The following MPPED1 variants were observed in gnomAD, a reference collection of about 807,000 sequenced individuals.
The protein encoded by MPPED1 is metallophosphoesterase domain containing 1.
MPPED1 carries 16 observed loss-of-function variants against 36.2 expected under a neutral mutation model. The observed-to-expected ratio is 0.44, with a 90% CI of 0.30 to 0.67. MPPED1 has a LOEUF of 0.67. Among genes scored for constraint, MPPED1 ranks in the 30% least tolerant of loss-of-function variants. The probability of loss-of-function intolerance (pLI) is 0.10; values close to 1 mark genes in which losing one functional copy is unlikely to be tolerated. For synonymous variants in MPPED1, 199 were observed against 191.3 expected, an observed-to-expected ratio of 1.04 and a Z score of -0.33; for missense variants, 307 against 453.4, an observed-to-expected ratio of 0.68 and a Z score of 2.93.
intron 4 of MPPED1, among the ~76,000 whole-genome samples, chr22:43,481,508 CATA>C (rs1377919028): frequency 2.6e-5 from 4 of 152,172 alleles, no homozygotes; most frequent in Non-Finnish European, 5.9e-5. Flanking sequence ...TCTGGTTCCT[CATA>C]ATAAGTATTT....
rs762737409 is a variant in MPPED1, at chr22:43,435,234, G to C, written c.406+19G>C. The C allele has an allele frequency of 8.2e-6, 13 of 1,593,756 alleles. No homozygotes were observed. The South Asian group carries it at 1.3e-4, about 16-fold the overall frequency. On this transcript the variant is annotated intron_variant, in intron 3 of 6. Transcript: ENST00000443721. ...TGGCTGGGTAGGTCCCTCCTGCCCC[G>C]GGCGGGCGGCTGTGCTGAGCAGGAA... is the stretch of plus-strand genomic sequence containing the variant.
intron 4 of MPPED1, among the ~76,000 whole-genome samples, chr22:43,480,052 T>C (rs965323078): frequency 4.6e-5 from 7 of 152,140 alleles, no homozygotes; most frequent in African/African-American, 1.7e-4. Context: ...TTTGTAGAGA[T>C]GGGGTCTCAT....
intron 4 of MPPED1, among the ~76,000 whole-genome samples, chr22:43,490,819 C>G (rs541278271): frequency 6.6e-6 from 1 of 152,180 alleles, no homozygotes; most frequent in Non-Finnish European, 1.5e-5. Flanking sequence ...AAGCACCTTA[C>G]CCATTCCCCC....
chr22:43,430,576 G>A (rs1483023865), intron 2 of MPPED1, among the ~76,000 whole-genome samples: 5 of 152,202 alleles, frequency 3.3e-5, no homozygotes. Flanking sequence ...GATCGGTGTA[G>A]GCTGGGGAGA....
In MPPED1 at chr22:43,473,547, G is replaced by A. The variant is rs565515679; in HGVS notation, c.407-1189G>A. ...CAGGAGGGGCCAGGAGAAAGGCTTG[G>A]GTCTCCAAGTGCACTTTCAACATTT... is the stretch of plus-strand genomic sequence containing the variant. On this transcript the variant is annotated intron_variant, in intron 3 of 6. Transcript: ENST00000443721. Among the ~76,000 whole-genome samples, 9 of 152,272 alleles carry A rather than the reference G, an allele frequency of 5.9e-5. No individual in the cohort carries two copies. In the South Asian group the frequency reaches 1.9e-3, roughly 32 times the overall value.
chr22:43,444,356 C>T, intron 3 of MPPED1, among the ~76,000 whole-genome samples: 1 of 135,184 alleles, frequency 7.4e-6, no homozygotes, highest in Admixed American at 7.6e-5. Context: ...TTTTTTCTTT[C>T]TATCTATCTT....
chr22:43,505,474 G>A (rs775130694), intron 6 of MPPED1, 24 bp from the exon 7 acceptor site: 1 of 1,585,640 alleles, frequency 6.3e-7, no homozygotes, highest in Non-Finnish European at 8.6e-7. Context: ...CTGCTGGCCT[G>A]ATGGGCATGT....
chr22:43,428,694 A>G (rs1929569901), intron 2 of MPPED1, among the ~76,000 whole-genome samples: 1 of 152,102 alleles, frequency 6.6e-6, no homozygotes. Context: ...GAGTCCTGTG[A>G]TTTATGCAGT....
chr22:43,424,805 C>A, intron 1 of MPPED1, 103 bp from the exon 2 acceptor site: 6 of 1,280,028 alleles, frequency 4.7e-6, no homozygotes, highest in East Asian at 2.9e-5. Context: ...GTTTTTTTTT[C>A]CTCTCCCCCC....
At chr22:43,464,625 A>C (rs867478723) in intron 3 of MPPED1, among the ~76,000 whole-genome samples, 57 of 152,174 alleles carry the variant, frequency 3.7e-4, no homozygotes, top group Admixed American at 7.8e-4. Context: ...GGATGGGTGC[A>C]AGGTGGGAGG....
At chr22:43,497,815 G>A (rs972530831) in intron 4 of MPPED1, among the ~76,000 whole-genome samples, 2 of 150,892 alleles carry the variant, frequency 1.3e-5, no homozygotes, top group African/African-American at 4.9e-5. Flanking sequence ...AGGATGGAGG[G>A]GCATCTTCCT....
At chr22:43,431,471 C>A (rs1929685971) in intron 2 of MPPED1, among the ~76,000 whole-genome samples, 1 of 152,092 alleles carries the variant, frequency 6.6e-6, no homozygotes, top group South Asian at 2.1e-4. Context: ...CAAGCAGGTC[C>A]CTGGCATTTA....
At chr22:43,443,047 A>G (rs1472715464) in intron 3 of MPPED1, among the ~76,000 whole-genome samples, 1 of 152,154 alleles carries the variant, frequency 6.6e-6, no homozygotes, top group Non-Finnish European at 1.5e-5. Context: ...CTGAGGTTGA[A>G]TGCAGTCATA....
At chr22:43,429,612 G>C (rs62234089) in intron 2 of MPPED1, among the ~76,000 whole-genome samples, 9,910 of 152,350 alleles carry the variant, frequency 0.065, 494 homozygotes, top group African/African-American at 0.14. Context: ...CCCACGCTTT[G>C]TGGCACCTGA....
chr22:43,439,639 AG>A (rs1470325603), intron 3 of MPPED1, among the ~76,000 whole-genome samples: 1 of 152,252 alleles, frequency 6.6e-6, no homozygotes, highest in Non-Finnish European at 1.5e-5. Flanking sequence ...GCTGTGGGGA[AG>A]GGTTGATGAA....
Position 43,507,655 on chromosome 22 carries a change from A to G in MPPED1, c.*2039A>G, listed in dbSNP as rs527446740. The G allele has an allele frequency of 1.3e-5, 2 of 152,286 alleles. No homozygotes were observed. The highest frequency in any genetic ancestry group is 6.5e-5 in the Admixed American group (1 of 15,296). 9.4% of individuals were successfully genotyped at this position (152,286 alleles called of 1,614,324 possible). On this transcript the variant is annotated 3_prime_UTR_variant, in exon 7 of 7. Transcript: ENST00000443721. Reference sequence around the variant, plus strand: ...TTTTTTCCTAAGGTATCTTCAGAATATGGTGTATTTTTATGTGGAAAAGAA... The same window carrying G: ...TTTTTTCCTAAGGTATCTTCAGAATGTGGTGTATTTTTATGTGGAAAAGAA...
At chr22:43,417,024 A>T in intron 1 of MPPED1, 1 of 985,206 alleles carries the variant, frequency 1.0e-6, no homozygotes, top group Non-Finnish European at 1.2e-6. Context: ...AGTAAGTAGC[A>T]CTCTTCATAT....
At chr22:43,500,278 C>CGGTGGTGATGGGGGT (rs1555904940) in intron 5 of MPPED1, among the ~76,000 whole-genome samples, 1 of 19,866 alleles carries the variant, frequency 5.0e-5, no homozygotes, top group Non-Finnish European at 7.6e-5. Context: ...ATGGAGGTGG[C>CGGTGGTGATGGGGGT]GGTGGTGATG....
chr22:43,416,360 T>G (rs1409038906), intron 1 of MPPED1: 1 of 152,256 alleles, frequency 6.6e-6, no homozygotes, highest in African/African-American at 2.4e-5. Context: ...CAGACTTAAG[T>G]GTAGAATTGC....
Sources: allele counts gnomAD v4.1 joint callset (sites outside exome capture counted in the v4.1 genomes callset), GRCh38; gene constraint gnomAD v4.1.1; transcripts MANE v1.5; gene names NCBI Gene and HGNC (gene_info 2026-07-23, HGNC 2026-07-21).